The following LGR5 variants were observed in gnomAD, a reference collection of about 807,000 sequenced individuals.
LGR5 encodes leucine-rich repeat-containing G protein-coupled receptor 5.
Under a neutral mutation model 76.7 loss-of-function variants are expected in LGR5, and 54 were observed. The ratio of observed to expected loss-of-function variants is 0.70; its 90% CI spans 0.57 to 0.88. The LOEUF (loss-of-function observed/expected upper bound fraction) is 0.88. Among genes scored for constraint, LGR5 ranks in the 40% least tolerant of loss-of-function variants. The pLI is 0.00. For missense variants in LGR5, 1,078 were observed against 1,073.3 expected (o/e 1.00, Z -0.06); for synonymous variants, 406 against 421.9 (o/e 0.96, Z 0.46).
chr12:71,457,225 TC>T (rs915388670), intron 1 of LGR5, among the ~76,000 whole-genome samples: 29 of 152,134 alleles, frequency 1.9e-4, no homozygotes, highest in Admixed American at 1.1e-3. Context: ...CAAGCCGCAG[TC>T]CCTGTTGGAA....
chr12:71,495,773 A>T (rs923866108), intron 1 of LGR5, among the ~76,000 whole-genome samples: 2 of 151,320 alleles, frequency 1.3e-5, no homozygotes, highest in African/African-American at 4.9e-5. Context: ...TAACTCTTTC[A>T]AAAGAATTCC....
chr12:71,481,417 G>T (rs143550165), intron 1 of LGR5, among the ~76,000 whole-genome samples: 1 of 152,196 alleles, frequency 6.6e-6, no homozygotes, highest in Non-Finnish European at 1.5e-5. Context: ...CCCTGCAAAA[G>T]ACATGAACTC....
chr12:71,450,757 T>A (rs1872215345), intron 1 of LGR5, among the ~76,000 whole-genome samples: 1 of 152,198 alleles, frequency 6.6e-6, no homozygotes, highest in Non-Finnish European at 1.5e-5. Flanking sequence ...GTCTACTCAC[T>A]TTTTTCCTGG....
intron 11 of LGR5, among the ~76,000 whole-genome samples, chr12:71,568,016 TG>T (rs1465099813): frequency 1.3e-5 from 2 of 152,090 alleles, no homozygotes. Flanking sequence ...GGTAGAAATT[TG>T]GGGGGCCATG....
chr12:71,491,089 C>T (rs1409923622), intron 1 of LGR5, among the ~76,000 whole-genome samples: 1 of 152,158 alleles, frequency 6.6e-6, no homozygotes, highest in Non-Finnish European at 1.5e-5. Context: ...TCTTGCCTGC[C>T]ACCATGTAAG....
intron 12 of LGR5, among the ~76,000 whole-genome samples, chr12:71,572,150 T>C (rs1392236471): frequency 3.3e-5 from 5 of 150,902 alleles, no homozygotes; most frequent in African/African-American, 1.2e-4. Context: ...TGGCGTGATC[T>C]CGGCTCACTG....
intron 3 of LGR5, among the ~76,000 whole-genome samples, chr12:71,525,452 T>G (rs1194597896): frequency 6.6e-6 from 1 of 151,812 alleles, no homozygotes; most frequent in Admixed American, 6.6e-5. Context: ...GTTGTCATGT[T>G]GCCAAATCCT....
intron 12 of LGR5, among the ~76,000 whole-genome samples, chr12:71,572,570 G>A (rs958282127): frequency 6.6e-6 from 1 of 152,202 alleles, no homozygotes; most frequent in Non-Finnish European, 1.5e-5. Flanking sequence ...GGCTCAGAAG[G>A]CAGCACTAGA....
chr12:71,574,120 G>C (rs1371328316), intron 13 of LGR5, among the ~76,000 whole-genome samples: 2 of 151,512 alleles, frequency 1.3e-5, no homozygotes, highest in East Asian at 3.9e-4. Flanking sequence ...TGGCCAACAT[G>C]GTGAAACCCC....
chr12:71,566,011 T>C (rs1374226899), intron 8 of LGR5, among the ~76,000 whole-genome samples: 1 of 152,174 alleles, frequency 6.6e-6, no homozygotes, highest in Non-Finnish European at 1.5e-5. Context: ...TTGATATCGA[T>C]AGATAGACTT....
intron 1 of LGR5, among the ~76,000 whole-genome samples, chr12:71,495,026 G>T (rs1874248084): frequency 6.6e-6 from 1 of 150,932 alleles, no homozygotes; most frequent in Non-Finnish European, 1.5e-5. Flanking sequence ...GGTACCTTTT[G>T]CCTGGTTCCT....
At chr12:71,514,179 A>G (rs1325445608) in intron 2 of LGR5, among the ~76,000 whole-genome samples, 2 of 152,338 alleles carry the variant, frequency 1.3e-5, no homozygotes, top group African/African-American at 4.8e-5. Context: ...TATAGGCTAC[A>G]TTGTATAGAA....
chr12:71,570,929 C>T (rs1202359728), intron 11 of LGR5, among the ~76,000 whole-genome samples: 1 of 152,152 alleles, frequency 6.6e-6, no homozygotes, highest in Non-Finnish European at 1.5e-5. Context: ...TTCTTTCAAG[C>T]TTTCGCAAAT....
At chr12:71,448,084 A>ACACACACACACAC (rs1872091735) in intron 1 of LGR5, among the ~76,000 whole-genome samples, 1 of 145,584 alleles carries the variant, frequency 6.9e-6, no homozygotes. Context: ...CACACACACA[A>ACACACACACACAC]ACACACACAC....
In LGR5 at chr12:71,504,608, C is replaced by A; in HGVS notation, c.213-6C>A. On this transcript the variant is annotated splice_region_variant and splice_polypyrimidine_tract_variant and intron_variant, in intron 1 of 17. Coordinates refer to ENST00000266674, the MANE Select transcript of LGR5 (RefSeq NM_003667.4). The stretch of plus-strand genomic sequence containing the variant: ...CTCCTCACACGCTGTCTGTTTTCCC[C>A]CCCAGAGACCTCAGTATGAACAACA... 6.2e-7 allele frequency: 1 copy of A among 1,613,554 alleles called. No homozygotes were observed.
rs535289542 is a variant in LGR5, at chr12:71,491,367, C to A, written c.213-13247C>A. ...GGAATCCTTTTAATTATCTCTTAGT[C>A]ATGAGTCTAGGGAAACCTTAGATTG... On this transcript the variant is annotated intron_variant, in intron 1 of 17. Coordinates refer to ENST00000266674, the MANE Select transcript of LGR5 (RefSeq NM_003667.4). Among the ~76,000 whole-genome samples the A allele has an allele frequency of 2.6e-4, 40 of 152,226 alleles. No homozygotes were observed. The South Asian group carries it at 8.3e-3, about 32-fold the overall frequency.
intron 4 of LGR5, among the ~76,000 whole-genome samples, chr12:71,551,053 G>A (rs570000667): frequency 1.3e-5 from 2 of 152,344 alleles, no homozygotes; most frequent in South Asian, 4.1e-4. Context: ...AAAACCTTAA[G>A]ATGTTTGAAA....
chr12:71,525,902 TATC>T (rs961818292), intron 3 of LGR5, among the ~76,000 whole-genome samples: 2 of 151,596 alleles, frequency 1.3e-5, no homozygotes, highest in South Asian at 2.1e-4. Flanking sequence ...CTAATTTTTC[TATC>T]ATATTTTTAT....
chr12:71,542,289 T>C (rs1732982034), intron 4 of LGR5, among the ~76,000 whole-genome samples: 1 of 152,122 alleles, frequency 6.6e-6, no homozygotes, highest in South Asian at 2.1e-4. Context: ...CAACTCCTTA[T>C]ATTGGTGGGG....
Sources: gnomAD v4.1 joint callset for allele counts (sites outside exome capture counted in the v4.1 genomes callset) on GRCh38, gnomAD v4.1.1 for gene constraint, MANE v1.5 for transcripts, NCBI Gene and HGNC (gene_info 2026-07-23, HGNC 2026-07-21) for gene names.